Variants in EIF4E3 observed in about 807,000 individuals in gnomAD.
The protein encoded by EIF4E3 is eukaryotic translation initiation factor 4E family member 3, also known as eukaryotic translation initiation factor 4E type 3.
EIF4E3 carries 26 observed loss-of-function variants against 31.7 expected under a neutral mutation model. The ratio of observed to expected loss-of-function variants is 0.82; its 90% CI spans 0.60 to 1.14. The LOEUF (loss-of-function observed/expected upper bound fraction) is 1.14. Among genes scored for constraint, EIF4E3 ranks in the 50% most tolerant of loss-of-function variants. The pLI, the probability that EIF4E3 is intolerant of heterozygous loss-of-function variation, is 0.00. For missense variants in EIF4E3, 304 were observed against 270.9 expected, an observed-to-expected ratio of 1.12 and a Z score of -0.86; for synonymous variants, 128 against 107.7, an observed-to-expected ratio of 1.19 and a Z score of -1.17.
chr3:71,710,064 G>A (rs573063938), intron 2 of EIF4E3, among the ~76,000 whole-genome samples: 1 of 126,872 alleles, frequency 7.9e-6, no homozygotes, highest in South Asian at 2.1e-4. Flanking sequence ...CAGAGGCACA[G>A]AGAGGCACTG....
intron 1 of EIF4E3, among the ~76,000 whole-genome samples, chr3:71,731,632 A>G (rs919672703): frequency 6.6e-6 from 1 of 152,248 alleles, no homozygotes; most frequent in Non-Finnish European, 1.5e-5. Context: ...AACTGGGTAT[A>G]CAGCAGATAT....
intron 1 of EIF4E3, among the ~76,000 whole-genome samples, chr3:71,723,603 C>G (rs2049584131): frequency 6.6e-6 from 1 of 152,152 alleles, no homozygotes; most frequent in Admixed American, 6.5e-5. Flanking sequence ...TACATGTAAA[C>G]TAATTTTAGA....
intron 2 of EIF4E3, among the ~76,000 whole-genome samples, 177 bp downstream of exon 2, chr3:71,710,235 C>T (rs746964516): frequency 6.6e-6 from 1 of 152,208 alleles, no homozygotes; most frequent in Non-Finnish European, 1.5e-5. Flanking sequence ...TGACTGTGTG[C>T]TCAGCTGGCC....
At chr3:71,700,928 A>G (rs947228225) in intron 2 of EIF4E3, among the ~76,000 whole-genome samples, 2 of 152,162 alleles carry the variant, frequency 1.3e-5, no homozygotes, top group Non-Finnish European at 2.9e-5. Flanking sequence ...TCATGAGGGT[A>G]TAGTCACCAT....
At chr3:71,705,270 G>A (rs971387477) in intron 2 of EIF4E3, among the ~76,000 whole-genome samples, 3 of 152,170 alleles carry the variant, frequency 2.0e-5, no homozygotes, top group African/African-American at 7.2e-5. Flanking sequence ...TGAAGGAAGA[G>A]CCCTCATTTC....
At chr3:71,700,409 C>T (rs2049198902) in intron 2 of EIF4E3, among the ~76,000 whole-genome samples, 1 of 151,870 alleles carries the variant, frequency 6.6e-6, no homozygotes, top group South Asian at 2.1e-4. Flanking sequence ...TATTTTGTTA[C>T]AATAGACCCT....
intron 2 of EIF4E3, among the ~76,000 whole-genome samples, chr3:71,706,786 G>A (rs181702486): frequency 1.5e-3 from 228 of 152,204 alleles, no homozygotes; most frequent in Non-Finnish European, 2.4e-3. Context: ...TAGCACCACT[G>A]CACTCCTGCC....
Position 71,693,860 on chromosome 3 carries a change from C to T in EIF4E3, c.472+15G>A, listed in dbSNP as rs373718507. 1.5e-4 allele frequency: 227 copies of T among 1,539,848 alleles called. No individual in the cohort carries two copies. Among genetic ancestry groups the T allele is most frequent in the African/African-American group, 1.6e-4 (12 of 72,792 alleles). On this transcript the variant is annotated intron_variant, in intron 5 of 6. Coordinates refer to ENST00000425534, the MANE Select transcript of EIF4E3 (RefSeq NM_001134651.2). ...CACACGAGGCAGGGCCGGCCGGAGC[C>T]GTGGGCTGCTTTACCTGCTGCGGCA...
intron 5 of EIF4E3, among the ~76,000 whole-genome samples, chr3:71,692,681 TC>T (rs1289583768): frequency 6.6e-6 from 1 of 151,772 alleles, no homozygotes; most frequent in African/African-American, 2.4e-5. Flanking sequence ...GCAGCCTCTA[TC>T]TCCTGGGCTC....
intron 2 of EIF4E3, among the ~76,000 whole-genome samples, chr3:71,704,111 T>C (rs1159958711): frequency 6.6e-6 from 1 of 152,222 alleles, no homozygotes; most frequent in African/African-American, 2.4e-5. Flanking sequence ...GGGTTTTCCT[T>C]TGAATTCCAA....
intron 1 of EIF4E3, among the ~76,000 whole-genome samples, chr3:71,720,078 G>A (rs2049523593): frequency 6.6e-6 from 1 of 151,196 alleles, no homozygotes; most frequent in South Asian, 2.1e-4. Flanking sequence ...AGCAATATAT[G>A]AATGTATACC....
intron 1 of EIF4E3, among the ~76,000 whole-genome samples, chr3:71,732,255 T>A (rs891329174): frequency 3.9e-5 from 6 of 152,244 alleles, no homozygotes; most frequent in Non-Finnish European, 7.4e-5. Context: ...TGTCTAACCA[T>A]CCTTCAAGGG....
intron 1 of EIF4E3, among the ~76,000 whole-genome samples, chr3:71,739,176 TA>T (rs2049795221): frequency 6.6e-6 from 1 of 150,798 alleles, no homozygotes; most frequent in Admixed American, 6.6e-5. Context: ...ATTAACAGCC[TA>T]AATTCCTACA....
At chr3:71,721,251 C>A (rs139462763) in intron 1 of EIF4E3, among the ~76,000 whole-genome samples, 2 of 152,164 alleles carry the variant, frequency 1.3e-5, no homozygotes, top group African/African-American at 2.4e-5. Flanking sequence ...GTATTCAGTG[C>A]GGACTGACTT....
At chr3:71,718,445 T>G (rs1403580948) in intron 1 of EIF4E3, among the ~76,000 whole-genome samples, 4 of 152,260 alleles carry the variant, frequency 2.6e-5, no homozygotes, top group Non-Finnish European at 5.9e-5. Flanking sequence ...ATTCCTAGTC[T>G]ATCTTACAGC....
intron 3 of EIF4E3, among the ~76,000 whole-genome samples, chr3:71,698,833 T>G (rs929829205): frequency 6.6e-6 from 1 of 152,188 alleles, no homozygotes; most frequent in African/African-American, 2.4e-5. Flanking sequence ...ACCATCAGAT[T>G]CCTGATAACA....
chr3:71,681,205 T>C lies in EIF4E3; in HGVS notation c.*3477A>G, dbSNP rs1171515452. The C allele has an allele frequency of 1.3e-5, 2 of 152,198 alleles. No homozygotes were observed. The highest frequency in any genetic ancestry group is 4.8e-5 in the African/African-American group (2 of 41,452). 9.4% of individuals were successfully genotyped at this position (152,198 alleles called of 1,614,324 possible). A position where few individuals can be genotyped will look rare whatever the true frequency, so the allele number is the denominator to read the frequency against. On this transcript the variant is annotated 3_prime_UTR_variant, in exon 7 of 7. Transcript: ENST00000425534. The stretch of plus-strand genomic sequence containing the variant: ...TTATTGCCAAGTATCATTTTTACAT[T>C]TTCTCGTCAAATTTTTATAAAAGCT...
chr3:71,706,460 T>G (rs548962375), intron 2 of EIF4E3, among the ~76,000 whole-genome samples: 1 of 152,230 alleles, frequency 6.6e-6, no homozygotes, highest in African/African-American at 2.4e-5. Flanking sequence ...TAAACACATA[T>G]GGGAGGAAAA....
the EIF4E3 span, among the ~76,000 whole-genome samples, chr3:71,660,649 G>C: frequency 6.6e-6 from 1 of 152,210 alleles, no homozygotes; most frequent in Non-Finnish European, 1.5e-5. Flanking sequence ...GGTTCTATCA[G>C]CTGATGTGAA....
Sources: allele counts gnomAD v4.1 joint callset (sites outside exome capture counted in the v4.1 genomes callset), GRCh38; gene constraint gnomAD v4.1.1; transcripts MANE v1.5; gene names NCBI Gene and HGNC (gene_info 2026-07-23, HGNC 2026-07-21).